F13A1: variants seen among roughly 807,000 people sequenced by gnomAD.
The protein encoded by F13A1 is FSF, A subunit.
Under a neutral mutation model 80.1 loss-of-function variants are expected in F13A1, and 47 were observed. That is an observed-to-expected ratio of 0.59 (90% CI 0.46 to 0.75). The LOEUF (loss-of-function observed/expected upper bound fraction) is 0.75. Among genes scored for constraint, F13A1 ranks in the 30% least tolerant of loss-of-function variants. The pLI, the probability that F13A1 is intolerant of heterozygous loss-of-function variation, is 0.00. For synonymous variants in F13A1, 349 were observed against 344.9 expected (o/e 1.01, Z -0.13); for missense variants, 817 against 930.4 (o/e 0.88, Z 1.59).
intron 6 of F13A1, among the ~76,000 whole-genome samples, chr6:6,246,823 G>A (rs1561666942): frequency 6.6e-6 from 1 of 152,216 alleles, no homozygotes; most frequent in Non-Finnish European, 1.5e-5. Flanking sequence ...GCTGATGAGT[G>A]TGCCATTTTA....
rs1401681733 is a variant in F13A1, at chr6:6,144,471, A to G, written c.*1148T>C. The G allele has an allele frequency of 2.6e-5, 4 of 152,252 alleles. No individual in the cohort carries two copies. Among genetic ancestry groups the G allele is most frequent in the African/African-American group, 9.6e-5 (4 of 41,460 alleles). The allele number at this position is 152,252 out of a possible 1,614,324, so 9.4% of individuals were successfully genotyped here. Reference sequence around the variant, plus strand: ...ATTCTGACCATAAATCAGCCTTGCAAATACATAGCAGGCAGCCTTCTCTGT... The same window carrying G: ...ATTCTGACCATAAATCAGCCTTGCAGATACATAGCAGGCAGCCTTCTCTGT... On this transcript the variant is annotated 3_prime_UTR_variant, in exon 15 of 15. Transcript: ENST00000264870.
At chr6:6,275,149 G>A (rs999617894) in intron 3 of F13A1, among the ~76,000 whole-genome samples, 17 of 151,934 alleles carry the variant, frequency 1.1e-4, no homozygotes, top group African/African-American at 3.9e-4. Context: ...CAGTCAGAGG[G>A]TGCTGAAGTG....
intron 3 of F13A1, among the ~76,000 whole-genome samples, chr6:6,302,192 A>G (rs375715623): frequency 2.8e-4 from 43 of 152,098 alleles, no homozygotes; most frequent in African/African-American, 9.9e-4. Flanking sequence ...TCTTCTCCCC[A>G]CCCTAAATAT....
At chr6:6,237,750 A>C (rs1417651928) in intron 6 of F13A1, among the ~76,000 whole-genome samples, 1 of 152,156 alleles carries the variant, frequency 6.6e-6, no homozygotes. Flanking sequence ...CTTTTCCCAG[A>C]CTTTATGTTC....
At chr6:6,179,039 G>A (rs571997700) in intron 11 of F13A1, among the ~76,000 whole-genome samples, 10 of 152,332 alleles carry the variant, frequency 6.6e-5, no homozygotes, top group African/African-American at 1.7e-4. Context: ...GCAAGGAGGC[G>A]AGGAGGAAGA....
intron 8 of F13A1, among the ~76,000 whole-genome samples, chr6:6,220,558 T>C (rs909649726): frequency 6.8e-6 from 1 of 147,462 alleles, no homozygotes; most frequent in Non-Finnish European, 1.5e-5. Flanking sequence ...TGTGTGTCTG[T>C]GTGTCTGTCT....
intron 11 of F13A1, among the ~76,000 whole-genome samples, chr6:6,178,051 G>T (rs1022820332): frequency 1.5e-3 from 198 of 133,878 alleles, no homozygotes; most frequent in Non-Finnish European, 2.2e-3. Context: ...GAGAGGGGGG[G>T]GGGGGTGGGG....
chr6:6,275,051 G>A (rs946687579), intron 3 of F13A1, among the ~76,000 whole-genome samples: 1 of 152,194 alleles, frequency 6.6e-6, no homozygotes, highest in African/African-American at 2.4e-5. Flanking sequence ...AAAAGCTTAA[G>A]TGATCTGGTG....
At chr6:6,216,872 TG>T (rs1757098323) in intron 8 of F13A1, among the ~76,000 whole-genome samples, 1 of 149,074 alleles carries the variant, frequency 6.7e-6, no homozygotes, top group African/African-American at 2.5e-5. Flanking sequence ...GCAAAGGACA[TG>T]AACAGGCACT....
intron 4 of F13A1, among the ~76,000 whole-genome samples, chr6:6,265,362 C>A (rs527847776): frequency 6.6e-6 from 1 of 152,236 alleles, no homozygotes; most frequent in East Asian, 1.9e-4. Context: ...TCTTTCACTG[C>A]CTTATTTCCT....
At chr6:6,210,158 A>G (rs1441237421) in intron 8 of F13A1, among the ~76,000 whole-genome samples, 1 of 151,442 alleles carries the variant, frequency 6.6e-6, no homozygotes. Context: ...TGAGCCTGGG[A>G]GGTCAAGGCT....
rs373783003 is a variant in F13A1, at chr6:6,223,353, A to T, written c.974-1182T>A. On this transcript the variant is annotated intron_variant, in intron 7 of 14. Coordinates refer to ENST00000264870, the MANE Select transcript of F13A1 (RefSeq NM_000129.4). ...GTGAGCCGGAAGGAATTACACTGGG[A>T]TAGTGAAATTGTAGGCATGGGGAGA... is the stretch of plus-strand genomic sequence containing the variant. 2.0e-5 allele frequency among the ~76,000 whole-genome samples: 3 copies of T among 152,218 alleles called. No individual in the cohort carries two copies. The East Asian group carries it at 5.8e-4, about 29-fold the overall frequency.
At chr6:6,267,672 T>C (rs1757864215) in intron 3 of F13A1, among the ~76,000 whole-genome samples, 2 of 152,156 alleles carry the variant, frequency 1.3e-5, no homozygotes, top group Admixed American at 1.3e-4. Flanking sequence ...GAATACGTCG[T>C]ATTTAAAAAG....
intron 3 of F13A1, among the ~76,000 whole-genome samples, chr6:6,272,039 AAG>A (rs1253818229): frequency 6.6e-6 from 1 of 152,240 alleles, no homozygotes; most frequent in African/African-American, 2.4e-5. Flanking sequence ...CAAGATAGGA[AAG>A]AGAAATCTAG....
chr6:6,317,010 G>C (rs936150276), intron 2 of F13A1, among the ~76,000 whole-genome samples: 1 of 152,044 alleles, frequency 6.6e-6, no homozygotes. Context: ...CTGACTCCTC[G>C]TGGCAAGGAC....
intron 11 of F13A1, among the ~76,000 whole-genome samples, chr6:6,179,600 G>A (rs1318536459): frequency 6.6e-6 from 1 of 152,184 alleles, no homozygotes; most frequent in Non-Finnish European, 1.5e-5. Context: ...TGCAGTCTTG[G>A]TGTTCTTCTC....
At chr6:6,261,553 G>A (rs1358477730) in intron 4 of F13A1, among the ~76,000 whole-genome samples, 1 of 152,252 alleles carries the variant, frequency 6.6e-6, no homozygotes, top group Non-Finnish European at 1.5e-5. Context: ...CTCAACCTGA[G>A]GGTGCTGCAC....
At chr6:6,206,018 G>A (rs1332719815) in intron 8 of F13A1, among the ~76,000 whole-genome samples, 1 of 152,024 alleles carries the variant, frequency 6.6e-6, no homozygotes, top group Non-Finnish European at 1.5e-5. Flanking sequence ...TGAACATGAA[G>A]AAAATATTGA....
At chr6:6,294,524 T>TCA (rs142401119) in intron 3 of F13A1, among the ~76,000 whole-genome samples, 12,506 of 148,536 alleles carry the variant, frequency 0.084, 1,179 homozygotes, top group African/African-American at 0.24. Context: ...CACACAACAC[T>TCA]CACACACACA....
Sources: gnomAD v4.1 joint callset for allele counts (sites outside exome capture counted in the v4.1 genomes callset) on GRCh38, gnomAD v4.1.1 for gene constraint, MANE v1.5 for transcripts, NCBI Gene and HGNC (gene_info 2026-07-23, HGNC 2026-07-21) for gene names.